The following BACE2 variants were observed in gnomAD, a reference collection of about 807,000 sequenced individuals.
BACE2 encodes beta-secretase 2, also known as 56 kDa aspartic-like protease.
BACE2 carries 17 observed loss-of-function variants against 46.2 expected under a neutral mutation model. The ratio of observed to expected loss-of-function variants is 0.37; its 90% confidence interval spans 0.25 to 0.55. The LOEUF (loss-of-function observed/expected upper bound fraction) is 0.55, where lower values mean the gene tolerates loss of function less well. Ranked by LOEUF, BACE2 falls within the 20% of genes least tolerant of loss-of-function variation. BACE2 has a pLI of 0.82. For missense variants in BACE2, 595 were observed against 698.1 expected, an observed-to-expected ratio of 0.85 and a Z score of 1.66; for synonymous variants, 277 against 295.9, an observed-to-expected ratio of 0.94 and a Z score of 0.66.
At chr21:41,246,549 G>A (rs972731987) in intron 6 of BACE2, among the ~76,000 whole-genome samples, 44 of 152,016 alleles carry the variant, frequency 2.9e-4, no homozygotes, top group African/African-American at 1.0e-3. Flanking sequence ...TCCCTGCACT[G>A]GTATCTTAAC....
At position 41,276,542 on chromosome 21, in the gene BACE2, T is replaced by G. The variant is rs1441810152; in HGVS notation, c.*918T>G. 1 of 152,210 alleles carries G rather than the reference T, an allele frequency of 6.6e-6. No homozygotes were observed. Among genetic ancestry groups the G allele is most frequent in the Non-Finnish European group, 1.5e-5 (1 of 68,052 alleles). The allele number at this position is 152,210 out of a possible 1,614,324, so 9.4% of individuals were successfully genotyped here. A position where few individuals can be genotyped will look rare whatever the true frequency, so the allele number is the denominator to read the frequency against. On this transcript the variant is annotated 3_prime_UTR_variant, in exon 9 of 9. Coordinates refer to ENST00000330333, the MANE Select transcript of BACE2 (RefSeq NM_012105.5). ...TCCCCAAGCTGGCCACTATCACATA[T>G]GCTTACTCTTGCTTAAAATTAATAA...
At chr21:41,244,510 G>A (rs1389119715) in intron 5 of BACE2, among the ~76,000 whole-genome samples, 1 of 152,056 alleles carries the variant, frequency 6.6e-6, no homozygotes, top group Non-Finnish European at 1.5e-5. Context: ...GGATGAGCCA[G>A]AAGGAATTTC....
chr21:41,189,747 G>T (rs1395431432), intron 1 of BACE2, among the ~76,000 whole-genome samples: 1 of 152,192 alleles, frequency 6.6e-6, no homozygotes, highest in Non-Finnish European at 1.5e-5. Flanking sequence ...ATTAGTCAGG[G>T]TTCTGTAGGG....
chr21:41,184,646 G>A (rs1985301756), intron 1 of BACE2: 1 of 166,988 alleles, frequency 6.0e-6, no homozygotes, highest in Admixed American at 6.5e-5. Context: ...GCTAGGGCTA[G>A]TTGGATAAGG....
intron 8 of BACE2, among the ~76,000 whole-genome samples, chr21:41,274,273 T>A (rs1421334066): frequency 1.3e-5 from 2 of 152,136 alleles, no homozygotes; most frequent in African/African-American, 4.8e-5. Context: ...ATGCAGTCAC[T>A]TTGCAAAGTA....
intron 1 of BACE2, among the ~76,000 whole-genome samples, chr21:41,200,756 C>T (rs900782647): frequency 6.6e-6 from 1 of 152,130 alleles, no homozygotes; most frequent in Non-Finnish European, 1.5e-5. Context: ...GCAGAGGGAC[C>T]GCCATGTGAA....
chr21:41,183,654 G>A (rs1985233413), intron 1 of BACE2: 1 of 167,262 alleles, frequency 6.0e-6, no homozygotes, highest in East Asian at 1.9e-4. Context: ...ACTCAGTGGT[G>A]GAAATACCAA....
chr21:41,256,067 T>G lies in BACE2; in HGVS notation c.1135-1091T>G, dbSNP rs188850994. Among the ~76,000 whole-genome samples, 172 of 151,528 alleles carry G rather than the reference T, an allele frequency of 1.1e-3. 2 individuals are homozygous for G. The highest frequency in any genetic ancestry group is 1.8e-3 in the African/African-American group (74 of 41,156). The stretch of plus-strand genomic sequence containing the variant: ...GACTAAGAGTCAGGCAACCTTTTTT[T>G]TTTGTTTGTTTGTTTTGTTTTTTTT... On this transcript the variant is annotated intron_variant, in intron 7 of 8. Coordinates refer to ENST00000330333, the MANE Select transcript of BACE2 (RefSeq NM_012105.5).
chr21:41,232,519 G>A (rs1215078886), intron 2 of BACE2, among the ~76,000 whole-genome samples: 1 of 152,222 alleles, frequency 6.6e-6, no homozygotes, highest in Admixed American at 6.5e-5. Context: ...GGCCTCAGTG[G>A]AGGCATTTGG....
chr21:41,275,455 T>C lies in BACE2; in HGVS notation c.1388T>C (p.Leu463Ser). Reference protein sequence around the residue: ...VASNCVPAQSLSEPILWIVSY... With the variant: ...VASNCVPAQSSSEPILWIVSY... ...AGCAACTGTGTCCCCGCTCAGTCTT[T>C]GAGCGAGCCCATTTTGTGGATTGTG... The change falls in exon 9 of 9, where the codon TTG becomes TCG. Residue 463 changes from leucine to serine, a missense_variant. This residue lies in a region of BACE2 where 343 missense variants were observed against 419.4 expected (regional missense o/e 0.82). Transcript: ENST00000330333. The C allele has an allele frequency of 6.2e-7, 1 of 1,614,206 alleles. No individual in the cohort carries two copies.
intron 7 of BACE2, among the ~76,000 whole-genome samples, chr21:41,253,785 C>T (rs1366263454): frequency 6.6e-6 from 1 of 152,196 alleles, no homozygotes; most frequent in African/African-American, 2.4e-5. Flanking sequence ...CATAAGAATT[C>T]ATTATTGCTT....
At chr21:41,213,170 G>C (rs763709146) in intron 1 of BACE2, among the ~76,000 whole-genome samples, 7 of 152,132 alleles carry the variant, frequency 4.6e-5, no homozygotes, top group Non-Finnish European at 7.4e-5. Flanking sequence ...GAAGAGCTTT[G>C]TCCTTAAGGA....
At chr21:41,169,006 C>G (rs1166564813) in intron 1 of BACE2, among the ~76,000 whole-genome samples, 1 of 143,388 alleles carries the variant, frequency 7.0e-6, no homozygotes, top group Non-Finnish European at 1.5e-5. Context: ...CCCCCCCCCA[C>G]CCCACCACCA....
chr21:41,221,058 A>C (rs1248683360), intron 1 of BACE2, among the ~76,000 whole-genome samples: 11 of 151,712 alleles, frequency 7.3e-5, no homozygotes, highest in East Asian at 3.9e-4. Context: ...AAAAAAAAAA[A>C]AAAACAGTAG....
chr21:41,198,562 T>A (rs1002638482), intron 1 of BACE2, among the ~76,000 whole-genome samples: 1 of 152,176 alleles, frequency 6.6e-6, no homozygotes, highest in African/African-American at 2.4e-5. Flanking sequence ...CAGTTCCAGA[T>A]AGAATTGAAC....
intron 1 of BACE2, among the ~76,000 whole-genome samples, chr21:41,189,838 T>C (rs1985505028): frequency 6.6e-6 from 1 of 152,182 alleles, no homozygotes; most frequent in African/African-American, 2.4e-5. Context: ...AAGTATTAAC[T>C]TACACAATCA....
rs553710529 is a variant in BACE2 at position 41,191,074 on chromosome 21, G to GCCACTT, written c.312+22509_312+22514dup. On this transcript the variant is annotated intron_variant, in intron 1 of 8. Coordinates refer to ENST00000330333, the MANE Select transcript of BACE2 (RefSeq NM_012105.5). ...ATCACTAGGGGTGATGGTGAGTGAT[G>GCCACTT]CCACTTCCACTTCCAACCCTTGATT... Among the ~76,000 whole-genome samples, 57 of 152,294 alleles carry GCCACTT rather than the reference G, an allele frequency of 3.7e-4. No homozygotes were observed. The South Asian group carries it at 5.6e-3, about 15-fold the overall frequency.
In BACE2 at chr21:41,168,469, C is replaced by T. The variant is rs1446992945; in HGVS notation, c.206C>T (p.Ala69Val). 1.5e-6 allele frequency: 2 copies of T among 1,374,336 alleles called. No individual in the cohort carries two copies. Among genetic ancestry groups the T allele is most frequent in the Admixed American group, 3.3e-5 (1 of 30,254 alleles). The allele number at this position is 1,374,336 out of a possible 1,614,324, so 85.1% of individuals were successfully genotyped here. The change falls in exon 1 of 9, where the codon GCG (alanine) becomes GTG (valine). Residue 69 changes from alanine (A) to valine (V), a missense_variant. By Grantham distance (64) the Ala-to-Val change is moderately conservative (BLOSUM62 0). Transcript: ENST00000330333. ...GCGCTCGCCCTGGAGCCTGCCCTGG[C>T]GTCCCCCGCGGGCGCCGCCAACTTC... Reference protein sequence around the residue: ...GLALALEPALASPAGAANFLA... With the variant: ...GLALALEPALVSPAGAANFLA...
At chr21:41,222,305 C>T (rs1483433702) in intron 1 of BACE2, among the ~76,000 whole-genome samples, 1 of 152,214 alleles carries the variant, frequency 6.6e-6, no homozygotes, top group Non-Finnish European at 1.5e-5. Flanking sequence ...GAAAGGGATG[C>T]ACAGGCCGGC....
Sources: gnomAD v4.1 joint callset for allele counts (sites outside exome capture counted in the v4.1 genomes callset) on GRCh38, gnomAD v4.1.1 for gene constraint, gnomAD v4.1.1 regional missense constraint, MANE v1.5 for transcripts, NCBI Gene and HGNC (gene_info 2026-07-23, HGNC 2026-07-21) for gene names.